FAF1: variants seen among roughly 807,000 people sequenced by gnomAD.
The protein encoded by FAF1 is FAS-associated factor 1.
In FAF1, 25 loss-of-function variants were observed where a neutral mutation model predicts 92.5. That is an observed-to-expected ratio of 0.27 (90% CI 0.20 to 0.38). The LOEUF (loss-of-function observed/expected upper bound fraction) is 0.38. Among genes scored for constraint, FAF1 ranks in the 10% least tolerant of loss-of-function variants. The probability of loss-of-function intolerance (pLI) is 1.00; values close to 1 mark genes in which losing one functional copy is unlikely to be tolerated. For missense variants in FAF1, 636 were observed against 793.3 expected (o/e 0.80, Z 2.38); for synonymous variants, 234 against 273.2 (o/e 0.86, Z 1.42).
chr1:50,678,216 C>T lies in FAF1; in HGVS notation c.658-22688G>A, dbSNP rs574670967. 5.3e-5 allele frequency among the ~76,000 whole-genome samples: 8 copies of T among 152,262 alleles called. No homozygotes were observed. In the East Asian group the frequency reaches 1.2e-3, roughly 22 times the overall value. ...TATACACTTGCCTATGAGGCTGATG[C>T]TGTTTGAACTTATGAAAGATTGGAG... On this transcript the variant is annotated intron_variant, in intron 7 of 18. Transcript: ENST00000396153.
chr1:50,888,841 T>C (rs1644693064), intron 1 of FAF1, among the ~76,000 whole-genome samples: 1 of 152,178 alleles, frequency 6.6e-6, no homozygotes, highest in Non-Finnish European at 1.5e-5. Flanking sequence ...TTGTTGTGTC[T>C]CTGCCAGGCT....
chr1:50,635,508 C>T (rs1199769620), intron 8 of FAF1, among the ~76,000 whole-genome samples: 1 of 152,186 alleles, frequency 6.6e-6, no homozygotes, highest in African/African-American at 2.4e-5. Flanking sequence ...TCACTGAAGC[C>T]TTGACTTCCC....
intron 6 of FAF1, among the ~76,000 whole-genome samples, chr1:50,711,972 A>G (rs1455199956): frequency 6.6e-6 from 1 of 152,228 alleles, no homozygotes; most frequent in African/African-American, 2.4e-5. Context: ...ATCATTATGA[A>G]GTTATTATCA....
chr1:50,841,632 C>T (rs747568397), intron 2 of FAF1, among the ~76,000 whole-genome samples: 8 of 151,718 alleles, frequency 5.3e-5, no homozygotes, highest in Non-Finnish European at 1.2e-4. Flanking sequence ...AAGGCCTAGG[C>T]CTTTGACTAG....
chr1:50,563,021 T>C (rs1650000252), intron 13 of FAF1, among the ~76,000 whole-genome samples: 1 of 152,222 alleles, frequency 6.6e-6, no homozygotes, highest in South Asian at 2.1e-4. Context: ...TTAGGTATTA[T>C]AAGTAATCTA....
rs1397206152 is a variant in FAF1 at position 50,439,860 on chromosome 1, C to T, written c.*1580G>A. On this transcript the variant is annotated 3_prime_UTR_variant, in exon 19 of 19. Coordinates refer to ENST00000396153, the MANE Select transcript of FAF1 (RefSeq NM_007051.3). ...GAGACCCATGGGTCTCTCAGCCTCC[C>T]TAGAGAGACCCCTGCTGCCAGAGAA... is the stretch of plus-strand genomic sequence containing the variant. 4 of 152,158 alleles carry T rather than the reference C, an allele frequency of 2.6e-5. No individual in the cohort carries two copies. Among genetic ancestry groups the T allele is most frequent in the Admixed American group, 1.3e-4 (2 of 15,288 alleles). The allele number at this position is 152,158 out of a possible 1,614,324, so 9.4% of individuals were successfully genotyped here.
At chr1:50,854,171 T>C (rs1644373568) in intron 2 of FAF1, among the ~76,000 whole-genome samples, 2 of 152,070 alleles carry the variant, frequency 1.3e-5, no homozygotes, top group African/African-American at 4.8e-5. Context: ...TAGATTTTTA[T>C]TCTCCCCTGA....
intron 1 of FAF1, among the ~76,000 whole-genome samples, chr1:50,956,906 C>T (rs1203978158): frequency 6.6e-6 from 1 of 152,180 alleles, no homozygotes; most frequent in Non-Finnish European, 1.5e-5. Flanking sequence ...CGAGATCATG[C>T]CATTGCACTC....
intron 8 of FAF1, among the ~76,000 whole-genome samples, chr1:50,605,823 C>T (rs974979604): frequency 2.6e-5 from 4 of 152,182 alleles, no homozygotes; most frequent in Non-Finnish European, 5.9e-5. Context: ...TAATTTAGAA[C>T]TATTTGTTGA....
chr1:50,618,567 A>G (rs540684918), intron 8 of FAF1, among the ~76,000 whole-genome samples: 122 of 151,478 alleles, frequency 8.1e-4, no homozygotes, highest in African/African-American at 2.9e-3. Context: ...CCGGCCACCT[A>G]AATCTTTTTT....
At chr1:50,938,338 G>C (rs1645103476) in intron 1 of FAF1, among the ~76,000 whole-genome samples, 1 of 152,158 alleles carries the variant, frequency 6.6e-6, no homozygotes. Context: ...AACTCAGTAG[G>C]AATGTATATG....
intron 2 of FAF1, among the ~76,000 whole-genome samples, chr1:50,822,868 G>C (rs371993037): frequency 1.3e-5 from 2 of 149,306 alleles, no homozygotes; most frequent in Admixed American, 6.7e-5. Context: ...TCTGCCTCTC[G>C]GGTTCAAGCG....
At chr1:50,567,816 T>A (rs1200058363) in intron 12 of FAF1, among the ~76,000 whole-genome samples, 3 of 152,122 alleles carry the variant, frequency 2.0e-5, no homozygotes, top group African/African-American at 7.2e-5. Flanking sequence ...GTAATTGACA[T>A]TTGAAGAGAT....
intron 4 of FAF1, among the ~76,000 whole-genome samples, chr1:50,773,443 A>G (rs959634404): frequency 5.3e-5 from 8 of 152,234 alleles, no homozygotes; most frequent in Non-Finnish European, 8.8e-5. Flanking sequence ...CCGTCAATAG[A>G]TGAACAGATA....
intron 8 of FAF1, among the ~76,000 whole-genome samples, chr1:50,638,583 A>T (rs1207289220): frequency 2.0e-5 from 3 of 151,692 alleles, no homozygotes; most frequent in Non-Finnish European, 4.4e-5. Flanking sequence ...AGCTGAGATT[A>T]CAGACGCCCA....
rs926453400 is a variant in FAF1 at position 50,910,735 on chromosome 1, G to A, written c.45+49032C>T. Among the ~76,000 whole-genome samples, 12 of 151,866 alleles carry A rather than the reference G, an allele frequency of 7.9e-5. No individual in the cohort carries two copies. The South Asian group carries it at 1.3e-3, about 16-fold the overall frequency. ...CGTTCGCTAAGACCATTGGAAAAGC[G>A]CAGTATTAGGGTGGGAGTGTCCCGA... On this transcript the variant is annotated intron_variant, in intron 1 of 18. Coordinates refer to ENST00000396153, the MANE Select transcript of FAF1 (RefSeq NM_007051.3).
intron 15 of FAF1, among the ~76,000 whole-genome samples, chr1:50,493,034 CTTTTTTT>C (rs527436973): frequency 7.2e-6 from 1 of 137,974 alleles, no homozygotes; most frequent in African/African-American, 2.7e-5. Context: ...GATTAAACTT[CTTTTTTT>C]TTTTTTTTTG....
At chr1:50,512,457 T>C (rs1228495717) in intron 15 of FAF1, among the ~76,000 whole-genome samples, 1 of 152,234 alleles carries the variant, frequency 6.6e-6, no homozygotes, top group Non-Finnish European at 1.5e-5. Context: ...TTTCTGCATA[T>C]GGCTAGCCAG....
chr1:50,846,603 C>T (rs189800949), intron 2 of FAF1: 4 of 530,470 alleles, frequency 7.5e-6, no homozygotes, highest in African/African-American at 1.9e-5. Context: ...GGTGAGTGAG[C>T]GCTTCCTTGT....
Sources: allele counts gnomAD v4.1 joint callset (sites outside exome capture counted in the v4.1 genomes callset), GRCh38; gene constraint gnomAD v4.1.1; transcripts MANE v1.5; gene names NCBI Gene and HGNC (gene_info 2026-07-23, HGNC 2026-07-21).